The following RPS6KA3 variants were observed in gnomAD, a reference collection of about 807,000 sequenced individuals.
The protein encoded by RPS6KA3 is ribosomal protein S6 kinase A3.
Under a neutral mutation model 67.2 loss-of-function variants are expected in RPS6KA3, and 4 were observed. The observed-to-expected ratio is 0.06, with a 90% CI of 0.03 to 0.14. The LOEUF (loss-of-function observed/expected upper bound fraction) is 0.14, where lower values mean the gene tolerates loss of function less well. Ranked by LOEUF, RPS6KA3 falls within the 10% of genes least tolerant of loss-of-function variation. The probability of loss-of-function intolerance (pLI) is 1.00; values close to 1 mark genes in which losing one functional copy is unlikely to be tolerated. For missense variants in RPS6KA3, 204 were observed against 559.0 expected, an observed-to-expected ratio of 0.36 and a Z score of 6.40; for synonymous variants, 182 against 183.7, an observed-to-expected ratio of 0.99 and a Z score of 0.07.
chrX:20,212,487 G>C (rs183375808), intron 2 of RPS6KA3, among the ~76,000 whole-genome samples: 3 of 111,164 alleles, frequency 2.7e-5, no homozygotes, highest in African/African-American at 9.8e-5. Flanking sequence ...GGTGATGAGA[G>C]AGAGACACCA....
intron 11 of RPS6KA3, 97 bp from the exon 12 acceptor site, chrX:20,176,595 TAATTAATTAATTTTG>T: frequency 1.8e-6 from 1 of 563,745 alleles, no homozygotes. Context: ...ATTAATTAAT[TAATTAATTAATTTTG>T]AGACAAGGGC....
intron 2 of RPS6KA3, among the ~76,000 whole-genome samples, chrX:20,222,689 T>C (rs2148761848): frequency 8.9e-6 from 1 of 111,946 alleles, no homozygotes; most frequent in East Asian, 2.8e-4. Flanking sequence ...ACATTGGTTA[T>C]TGACTAGACA....
At chrX:20,199,898 T>C (rs1023598208) in intron 4 of RPS6KA3, among the ~76,000 whole-genome samples, 3 of 112,207 alleles carry the variant, frequency 2.7e-5, no homozygotes, top group Non-Finnish European at 3.8e-5. Flanking sequence ...CTTTCTGACC[T>C]AGAATTTTAT....
chrX:20,244,522 CAATT>C (rs1445669933), intron 1 of RPS6KA3, among the ~76,000 whole-genome samples: 2 of 112,085 alleles, frequency 1.8e-5, no homozygotes, highest in Non-Finnish European at 3.8e-5. Flanking sequence ...CACTGAATCC[CAATT>C]AATAATTAAA....
In RPS6KA3 at chrX:20,179,478, A is replaced by G. The variant is rs112783780; in HGVS notation, c.846-2394T>C. 5.0e-3 allele frequency among the ~76,000 whole-genome samples: 561 copies of G among 111,345 alleles called. 5 individuals are homozygous for G. Among genetic ancestry groups the G allele is most frequent in the African/African-American group, 0.018 (536 of 30,627 alleles). On this transcript the variant is annotated intron_variant, in intron 10 of 21. Transcript: ENST00000379565. The stretch of plus-strand genomic sequence containing the variant: ...TGGGGGATAAGACCATTTAAAAGGT[A>G]GTCAGAAAAAGAACAATTAGGGCAT...
chrX:20,243,550 A>G (rs1270354561), intron 1 of RPS6KA3, among the ~76,000 whole-genome samples: 1 of 111,593 alleles, frequency 9.0e-6, no homozygotes, highest in Non-Finnish European at 1.9e-5. Context: ...CAGTGGCACA[A>G]TCTTGGCTCA....
At chrX:20,185,210 G>A (rs1407949583) in intron 10 of RPS6KA3, among the ~76,000 whole-genome samples, 1 of 111,969 alleles carries the variant, frequency 8.9e-6, no homozygotes, top group Non-Finnish European at 1.9e-5. Context: ...GCCTGCCAAA[G>A]TGCTGGGATT....
intron 2 of RPS6KA3, among the ~76,000 whole-genome samples, chrX:20,219,331 G>A (rs1187654788): frequency 2.7e-5 from 3 of 111,502 alleles, no homozygotes; most frequent in Non-Finnish European, 3.8e-5. Flanking sequence ...CACTCAAGCC[G>A]TGGTCTCAAG....
At chrX:20,191,350 T>C (rs947326995) in intron 7 of RPS6KA3, among the ~76,000 whole-genome samples, 15 of 111,934 alleles carry the variant, frequency 1.3e-4, no homozygotes, top group Middle Eastern at 4.6e-3. Flanking sequence ...TGTGTCTTTA[T>C]AGTAGAATGA....
chrX:20,258,238 C>T (rs12391549), intron 1 of RPS6KA3, among the ~76,000 whole-genome samples: 1,152 of 112,030 alleles, frequency 0.01, 17 homozygotes, highest in African/African-American at 0.035. Context: ...AAGTGCTCAA[C>T]AGCCACATAT....
At chrX:20,191,620 A>T (rs557774758) in intron 7 of RPS6KA3, among the ~76,000 whole-genome samples, 1 of 104,235 alleles carries the variant, frequency 9.6e-6, no homozygotes, top group Admixed American at 1.0e-4. Flanking sequence ...TCTAATGACC[A>T]GGGATGATGA....
At chrX:20,212,738 C>T (rs1323391659) in intron 2 of RPS6KA3, among the ~76,000 whole-genome samples, 1 of 108,773 alleles carries the variant, frequency 9.2e-6, no homozygotes, top group South Asian at 4.0e-4. Context: ...GACCCTGTCT[C>T]AAAAGAAAAA....
chrX:20,238,716 T>C (rs1386211074), intron 1 of RPS6KA3, among the ~76,000 whole-genome samples: 1 of 111,696 alleles, frequency 9.0e-6, no homozygotes, highest in Non-Finnish European at 1.9e-5. Context: ...TTTAAAATGT[T>C]GAACAATTTA....
At chrX:20,265,320 T>A (rs2070344653) in intron 1 of RPS6KA3, among the ~76,000 whole-genome samples, 1 of 111,605 alleles carries the variant, frequency 9.0e-6, no homozygotes, top group South Asian at 3.7e-4. Context: ...AATGCAAGTG[T>A]CCCGCATCTC....
chrX:20,251,797 G>A (rs2069878303), intron 1 of RPS6KA3, among the ~76,000 whole-genome samples: 1 of 112,159 alleles, frequency 8.9e-6, no homozygotes, highest in Admixed American at 9.4e-5. Flanking sequence ...GTTTGATTTT[G>A]ATTTTGTCTA....
chrX:20,198,142 T>C (rs1379413059), intron 4 of RPS6KA3, among the ~76,000 whole-genome samples: 1 of 111,980 alleles, frequency 8.9e-6, no homozygotes, highest in Non-Finnish European at 1.9e-5. Flanking sequence ...TGGTTAAACA[T>C]GGATATTTTA....
chrX:20,266,519 C>A (rs1023780902), intron 1 of RPS6KA3, 45 bp downstream of exon 1: 1 of 1,054,744 alleles, frequency 9.5e-7, no homozygotes. Context: ...CCGGCGGGGG[C>A]GCGAGGAGGA....
intron 1 of RPS6KA3, among the ~76,000 whole-genome samples, chrX:20,259,315 T>TA (rs1476902412): frequency 1.8e-5 from 2 of 111,580 alleles, no homozygotes; most frequent in Non-Finnish European, 3.8e-5. Flanking sequence ...ATATTAGACA[T>TA]AAGTTACAGA....
At chrX:20,197,755 C>G (rs779335212) in intron 4 of RPS6KA3, among the ~76,000 whole-genome samples, 1 of 111,663 alleles carries the variant, frequency 9.0e-6, no homozygotes, top group East Asian at 2.8e-4. Context: ...CTAAATCATC[C>G]TACCATGAGG....
Sources: allele counts gnomAD v4.1 joint callset (sites outside exome capture counted in the v4.1 genomes callset), GRCh38; gene constraint gnomAD v4.1.1; transcripts MANE v1.5; gene names NCBI Gene and HGNC (gene_info 2026-07-23, HGNC 2026-07-21).